Variants in SLIT2 observed in about 807,000 individuals in gnomAD.
SLIT2 encodes slit guidance ligand 2.
In SLIT2, 41 loss-of-function variants were observed where a neutral mutation model predicts 185.7. The observed-to-expected ratio is 0.22, with a 90% CI of 0.17 to 0.29. The LOEUF (loss-of-function observed/expected upper bound fraction) is 0.29. Among genes scored for constraint, SLIT2 ranks in the 10% least tolerant of loss-of-function variants. SLIT2 has a pLI of 1.00. For missense variants in SLIT2, 1,571 were observed against 1,909.0 expected (o/e 0.82, Z 3.30); for synonymous variants, 693 against 680.2 (o/e 1.02, Z -0.29).
intron 4 of SLIT2, among the ~76,000 whole-genome samples, chr4:20,403,086 T>A (rs1475959195): frequency 6.6e-6 from 1 of 151,940 alleles, no homozygotes; most frequent in African/African-American, 2.4e-5. Flanking sequence ...AAATGAAGTT[T>A]GGCTCTATTT....
In SLIT2 at chr4:20,542,503, A is replaced by G; in HGVS notation, c.2153A>G (p.Asp718Gly). ...QDFTCDDGND[D>G]NSCSPLSRCP... ...TTCCTCTGCGATTTAGGAAATGATG[A>G]CAATAGTTGCTCCCCACTTTCTCGC... The change falls in exon 21 of 37, where the codon GAC becomes GGC. Residue 718 changes from aspartate (D) to glycine (G), a missense_variant. Physicochemically the swap from Asp to Gly is moderately conservative, Grantham distance 94. Transcript: ENST00000504154. The G allele has an allele frequency of 6.2e-7, 1 of 1,613,494 alleles. No homozygotes were observed. Among genetic ancestry groups the G allele is most frequent in the Non-Finnish European group, 8.5e-7 (1 of 1,179,674 alleles).
chr4:20,497,563 A>G (rs939068294), intron 9 of SLIT2, among the ~76,000 whole-genome samples: 1 of 152,236 alleles, frequency 6.6e-6, no homozygotes, highest in Non-Finnish European at 1.5e-5. Flanking sequence ...TTGCAAAACT[A>G]AGAGCTGTTT....
intron 4 of SLIT2, among the ~76,000 whole-genome samples, chr4:20,278,644 A>C (rs2109049553): frequency 6.6e-6 from 1 of 152,298 alleles, no homozygotes; most frequent in South Asian, 2.1e-4. Context: ...CAAAAACAAA[A>C]ACAAAAAAAA....
At chr4:20,602,441 T>G (rs1728480687) in intron 33 of SLIT2, among the ~76,000 whole-genome samples, 1 of 152,206 alleles carries the variant, frequency 6.6e-6, no homozygotes. Flanking sequence ...TCTTATCTGT[T>G]ACATCTGGAT....
chr4:20,367,190 A>G (rs1723184098), intron 4 of SLIT2, among the ~76,000 whole-genome samples: 1 of 152,178 alleles, frequency 6.6e-6, no homozygotes, highest in Non-Finnish European at 1.5e-5. Context: ...TATTCAAAAA[A>G]TGCATCTGCC....
chr4:20,543,965 A>G (rs1401009086), intron 21 of SLIT2, among the ~76,000 whole-genome samples: 1 of 152,082 alleles, frequency 6.6e-6, no homozygotes. Context: ...GGAAAGCTAG[A>G]TGCCTATAGA....
chr4:20,555,015 C>A (rs1310454321), intron 26 of SLIT2, among the ~76,000 whole-genome samples: 2 of 151,102 alleles, frequency 1.3e-5, no homozygotes, highest in Non-Finnish European at 2.9e-5. Flanking sequence ...TGATCCACAC[C>A]CCCTTGGCCT....
intron 4 of SLIT2, among the ~76,000 whole-genome samples, chr4:20,358,208 C>T (rs1722483006): frequency 6.6e-6 from 1 of 152,040 alleles, no homozygotes; most frequent in Admixed American, 6.6e-5. Context: ...ATCTGCTTCT[C>T]GATTGCTGAT....
At chr4:20,565,770 G>C (rs2148911222) in intron 26 of SLIT2, among the ~76,000 whole-genome samples, 1 of 151,898 alleles carries the variant, frequency 6.6e-6, no homozygotes, top group East Asian at 1.9e-4. Context: ...GGTCATCCTA[G>C]GAACAGTTAA....
At position 20,484,647 on chromosome 4, in the gene SLIT2, C is replaced by T. The variant is rs1717032069; in HGVS notation, c.540-1553C>T. Among the ~76,000 whole-genome samples, 2 of 152,104 alleles carry T rather than the reference C, an allele frequency of 1.3e-5. No individual in the cohort carries two copies. The highest frequency in any genetic ancestry group is 2.9e-5 in the Non-Finnish European group (2 of 68,004). ...GCAGCCACCAACTGGCCCAGAGTGG[C>T]CTCAAAAATATATTTTGTGTAGCTC... On this transcript the variant is annotated intron_variant, in intron 6 of 36. Coordinates refer to ENST00000504154, the MANE Select transcript of SLIT2 (RefSeq NM_004787.4). The surrounding 1 kb of genome is among the most constrained non-coding windows in gnomAD (Gnocchi z 4.3).
chr4:20,314,865 A>G (rs1269848419), intron 4 of SLIT2, among the ~76,000 whole-genome samples: 1 of 151,958 alleles, frequency 6.6e-6, no homozygotes, highest in Non-Finnish European at 1.5e-5. Context: ...AACCATGGAT[A>G]CTCTTTTTTC....
chr4:20,567,504 C>G lies in SLIT2; in HGVS notation c.2851-14C>G. Reference sequence around the variant, plus strand: ...AACTACTTCACTCGACTATACTTGCCCCTTCTTCTCCAGGGGCAGGACTGT... The same window carrying G: ...AACTACTTCACTCGACTATACTTGCGCCTTCTTCTCCAGGGGCAGGACTGT... On this transcript the variant is annotated splice_polypyrimidine_tract_variant and intron_variant, in intron 27 of 36. Transcript: ENST00000504154. The G allele has an allele frequency of 6.2e-7, 1 of 1,612,016 alleles. No homozygotes were observed. The highest frequency in any genetic ancestry group is 1.1e-5 in the South Asian group (1 of 91,014).
rs937560907 is a variant in SLIT2, at chr4:20,481,594, T to G, written c.539+807T>G. Among the ~76,000 whole-genome samples, 4 of 152,252 alleles carry G rather than the reference T, an allele frequency of 2.6e-5. 1 individual carries two copies. Among genetic ancestry groups the G allele is most frequent in the Middle Eastern group, 3.4e-3 (1 of 294 alleles). On this transcript the variant is annotated intron_variant, in intron 6 of 36. Coordinates refer to ENST00000504154, the MANE Select transcript of SLIT2 (RefSeq NM_004787.4). ...GCTTTATTTCATCCTTGAGAAAATT[T>G]AGTCAGAAATCTATAATTGAATTAA...
chr4:20,298,132 G>A (rs1470592255), intron 4 of SLIT2, among the ~76,000 whole-genome samples: 1 of 149,460 alleles, frequency 6.7e-6, no homozygotes, highest in Admixed American at 6.7e-5. Flanking sequence ...CTTGCTGCCC[G>A]GGCTGGAGTG....
chr4:20,581,350 T>G (rs1726549008), intron 29 of SLIT2, among the ~76,000 whole-genome samples: 1 of 152,178 alleles, frequency 6.6e-6, no homozygotes, highest in South Asian at 2.1e-4. Context: ...GTAAAAACTC[T>G]ATCTCAAAAT....
intron 5 of SLIT2, among the ~76,000 whole-genome samples, chr4:20,479,655 T>C (rs1460497496): frequency 1.1e-4 from 17 of 151,040 alleles, no homozygotes; most frequent in Non-Finnish European, 2.9e-5. Flanking sequence ...GTGGTACAGA[T>C]ACAATATAGT....
At chr4:20,428,555 T>C (rs1216300161) in intron 4 of SLIT2, among the ~76,000 whole-genome samples, 1 of 152,184 alleles carries the variant, frequency 6.6e-6, no homozygotes, top group East Asian at 1.9e-4. Context: ...TTGTTTGCTG[T>C]TCTCACACTA....
Position 20,567,352 on chromosome 4 carries a change from A to G in SLIT2, c.2816A>G (p.Asp939Gly), listed in dbSNP as rs764846192. The G allele has an allele frequency of 1.2e-5, 20 of 1,613,272 alleles. No homozygotes were observed. Among genetic ancestry groups the G allele is most frequent in the Non-Finnish European group, 1.6e-5 (19 of 1,179,414 alleles). The change falls in exon 27 of 37, where the codon GAC becomes GGC. Residue 939 changes from aspartate to glycine, a missense_variant. Asp to Gly is a moderately conservative substitution (Grantham distance 94). This residue lies in a region of SLIT2 where 1,202 missense variants were observed against 1,416.4 expected (regional missense o/e 0.85). Coordinates refer to ENST00000504154, the MANE Select transcript of SLIT2 (RefSeq NM_004787.4). The stretch of plus-strand genomic sequence containing the variant: ...GGCACATGTAATAGTGATCCAGTTG[A>G]CTTTTACCGATGCACCTGTCCATAT... ...NDGTCNSDPV[D>G]FYRCTCPYGF...
chr4:20,443,817 GAGA>G (rs892071204), intron 4 of SLIT2, among the ~76,000 whole-genome samples: 8 of 152,002 alleles, frequency 5.3e-5, no homozygotes, highest in Non-Finnish European at 1.0e-4. Context: ...AATTTCCCTG[GAGA>G]AGAAGAACAA....
Sources: gnomAD v4.1 joint callset for allele counts (sites outside exome capture counted in the v4.1 genomes callset) on GRCh38, gnomAD v4.1.1 for gene constraint, gnomAD v4.1.1 regional missense constraint, Gnocchi (gnomAD v3.1) non-coding constraint, MANE v1.5 for transcripts, NCBI Gene and HGNC (gene_info 2026-07-23, HGNC 2026-07-21) for gene names.